CDH12: variants seen among roughly 807,000 people sequenced by gnomAD.
CDH12 encodes cadherin 12.
CDH12 carries 41 observed loss-of-function variants against 74.1 expected under a neutral mutation model. That is an observed-to-expected ratio of 0.55 (90% CI 0.43 to 0.72). The LOEUF is 0.72. Ranked by LOEUF, CDH12 falls within the 30% of genes least tolerant of loss-of-function variation. The probability of loss-of-function intolerance (pLI) is 0.00; values close to 1 mark genes in which losing one functional copy is unlikely to be tolerated. For synonymous variants in CDH12, 399 were observed against 355.0 expected, an observed-to-expected ratio of 1.12 and a Z score of -1.39; for missense variants, 945 against 977.2, an observed-to-expected ratio of 0.97 and a Z score of 0.44.
At chr5:22,486,384 A>G (rs1746596353) in intron 2 of CDH12, among the ~76,000 whole-genome samples, 1 of 152,144 alleles carries the variant, frequency 6.6e-6, no homozygotes, top group Admixed American at 6.5e-5. Flanking sequence ...AAGTCAATAC[A>G]ACAAGTAGAA....
At chr5:22,657,215 A>G (rs2126892227) in intron 1 of CDH12, among the ~76,000 whole-genome samples, 1 of 152,272 alleles carries the variant, frequency 6.6e-6, no homozygotes, top group Non-Finnish European at 1.5e-5. Context: ...AAAAAACAAA[A>G]TCATAATAGT....
At chr5:22,091,197 G>GTGTATA (rs373423880) in intron 4 of CDH12, among the ~76,000 whole-genome samples, 2 of 132,228 alleles carry the variant, frequency 1.5e-5, no homozygotes, top group African/African-American at 3.0e-5. Context: ...GTGTGTGTGT[G>GTGTATA]TATATATATA....
At chr5:22,413,904 C>T (rs993269295) in intron 2 of CDH12, among the ~76,000 whole-genome samples, 1 of 151,824 alleles carries the variant, frequency 6.6e-6, no homozygotes, top group Non-Finnish European at 1.5e-5. Context: ...ATTGAATGCC[C>T]TTTCTCTCTC....
chr5:22,762,831 A>C (rs1415036525), intron 1 of CDH12, among the ~76,000 whole-genome samples: 1 of 152,024 alleles, frequency 6.6e-6, no homozygotes, highest in Non-Finnish European at 1.5e-5. Context: ...TTGCTTTTCA[A>C]ATAACAGTTT....
chr5:22,360,872 A>G (rs967039974), intron 3 of CDH12, among the ~76,000 whole-genome samples: 2 of 152,192 alleles, frequency 1.3e-5, no homozygotes, highest in African/African-American at 4.8e-5. Context: ...CTTTGACAAA[A>G]TTAAACAGCC....
intron 3 of CDH12, among the ~76,000 whole-genome samples, chr5:22,238,278 T>C (rs1415067941): frequency 6.6e-6 from 1 of 152,218 alleles, no homozygotes; most frequent in Non-Finnish European, 1.5e-5. Context: ...TGGCATTTCC[T>C]GGTGGGGCTT....
intron 11 of CDH12, among the ~76,000 whole-genome samples, chr5:21,765,884 T>C (rs1407830092): frequency 6.6e-6 from 1 of 152,056 alleles, no homozygotes; most frequent in Non-Finnish European, 1.5e-5. Context: ...TTTGAACTTG[T>C]GCAATATATA....
intron 1 of CDH12, among the ~76,000 whole-genome samples, chr5:22,599,506 T>C (rs185785930): frequency 6.6e-6 from 1 of 152,252 alleles, no homozygotes; most frequent in East Asian, 1.9e-4. Flanking sequence ...CTTTTGAAAC[T>C]TGCCTACAGT....
chr5:22,831,771 G>A (rs1033536092), intron 1 of CDH12, among the ~76,000 whole-genome samples: 3 of 151,790 alleles, frequency 2.0e-5, no homozygotes, highest in African/African-American at 7.3e-5. Flanking sequence ...GGTGGCGAGC[G>A]CCTGTAATCC....
intron 1 of CDH12, among the ~76,000 whole-genome samples, chr5:22,528,939 T>G (rs543081705): frequency 7.3e-6 from 1 of 137,814 alleles, no homozygotes; most frequent in African/African-American, 2.6e-5. Flanking sequence ...TTTTTAAAAT[T>G]ATCTTCCTCT....
chr5:22,268,878 G>A (rs1210408783), intron 3 of CDH12, among the ~76,000 whole-genome samples: 1 of 152,002 alleles, frequency 6.6e-6, no homozygotes, highest in East Asian at 1.9e-4. Flanking sequence ...GGCTAGGTGT[G>A]ATCTCCTAAT....
At chr5:22,170,439 A>G (rs1748952181) in intron 4 of CDH12, among the ~76,000 whole-genome samples, 1 of 151,808 alleles carries the variant, frequency 6.6e-6, no homozygotes, top group Non-Finnish European at 1.5e-5. Flanking sequence ...ACAATCCTAA[A>G]TTGTAGATAT....
intron 1 of CDH12, among the ~76,000 whole-genome samples, chr5:22,698,735 AGTGTGTGTGT>A (rs374493879): frequency 4.8e-4 from 7 of 14,522 alleles, no homozygotes; most frequent in African/African-American, 1.4e-3. Flanking sequence ...ATATATATAT[AGTGTGTGTGT>A]GTGTGTGTGT....
intron 4 of CDH12, among the ~76,000 whole-genome samples, chr5:22,124,193 G>A (rs980501733): frequency 4.0e-5 from 6 of 151,462 alleles, no homozygotes; most frequent in East Asian, 1.9e-4. Flanking sequence ...GTCTCGCTTC[G>A]TCGCCAGGCT....
intron 6 of CDH12, among the ~76,000 whole-genome samples, chr5:21,946,855 T>C (rs1755600563): frequency 6.6e-6 from 1 of 152,186 alleles, no homozygotes. Context: ...ACTGATATTG[T>C]TTGGCTGTGG....
At chr5:21,803,285 ATGTC>A (rs1265434192) in intron 9 of CDH12, among the ~76,000 whole-genome samples, 1 of 151,934 alleles carries the variant, frequency 6.6e-6, no homozygotes, top group Non-Finnish European at 1.5e-5. Context: ...TTACTAGTAA[ATGTC>A]TGTATCAGTA....
chr5:21,773,952 G>A (rs1179921795), intron 11 of CDH12, among the ~76,000 whole-genome samples: 1 of 152,060 alleles, frequency 6.6e-6, no homozygotes, highest in Non-Finnish European at 1.5e-5. Context: ...ACTATGTTAG[G>A]CATAATTATG....
intron 6 of CDH12, among the ~76,000 whole-genome samples, chr5:21,956,962 T>C (rs1373982959): frequency 6.6e-6 from 1 of 151,994 alleles, no homozygotes; most frequent in Non-Finnish European, 1.5e-5. Flanking sequence ...GAAAGTTTGT[T>C]ATATAGGTAA....
chr5:22,717,924 A>AG (rs1554061437), intron 1 of CDH12, among the ~76,000 whole-genome samples: 1 of 152,142 alleles, frequency 6.6e-6, no homozygotes, highest in Non-Finnish European at 1.5e-5. Context: ...AGAAAAAAAA[A>AG]GCATCTTCTG....
Sources: gnomAD v4.1 joint callset for allele counts (sites outside exome capture counted in the v4.1 genomes callset) on GRCh38, gnomAD v4.1.1 for gene constraint, MANE v1.5 for transcripts, NCBI Gene and HGNC (gene_info 2026-07-23, HGNC 2026-07-21) for gene names.